Variants in PUM3 observed in about 807,000 individuals in gnomAD.
PUM3 encodes pumilio RNA binding family member 3.
A neutral mutation model predicts 84.0 loss-of-function variants in PUM3; 91 were observed. The ratio of observed to expected loss-of-function variants is 1.08; its 90% CI spans 0.91 to 1.29. PUM3 has a LOEUF of 1.29. PUM3 is among the 50% of genes most tolerant of loss of function. The pLI is 0.00. For missense variants in PUM3, 1,067 were observed against 767.5 expected (o/e 1.39, Z -4.61); for synonymous variants, 321 against 266.7 (o/e 1.20, Z -1.98).
intron 3 of PUM3, among the ~76,000 whole-genome samples, chr9:2,835,344 G>A (rs758403482): frequency 2.0e-5 from 3 of 152,194 alleles, no homozygotes; most frequent in Non-Finnish European, 4.4e-5. Context: ...CTTGAGTCCA[G>A]GAGGTTGAGG....
At chr9:2,830,066 A>AT in intron 7 of PUM3, 118 bp from the exon 8 acceptor site, 2 of 771,346 alleles carry the variant, frequency 2.6e-6, no homozygotes, top group Non-Finnish European at 4.2e-6. Context: ...TGAGGAGTAA[A>AT]TGAGCTAGCA....
At chr9:2,810,197 A>C in intron 16 of PUM3, 147 bp downstream of exon 16, 1 of 624,946 alleles carries the variant, frequency 1.6e-6, no homozygotes, top group African/African-American at 1.9e-5. Flanking sequence ...ACCAGCAACC[A>C]CTGAATCATT....
intron 11 of PUM3, 32 bp downstream of exon 11, chr9:2,824,685 C>T (rs1456706003): frequency 7.1e-7 from 1 of 1,400,308 alleles, no homozygotes; most frequent in South Asian, 1.4e-5. Flanking sequence ...CTGACTTGTA[C>T]AGTTTAAATG....
chr9:2,820,530 C>T (rs1821567447), intron 12 of PUM3, among the ~76,000 whole-genome samples: 1 of 152,038 alleles, frequency 6.6e-6, no homozygotes, highest in Non-Finnish European at 1.5e-5. Flanking sequence ...TACAATTTTA[C>T]ACACATACAC....
intron 1 of PUM3, among the ~76,000 whole-genome samples, chr9:2,841,681 T>C (rs1189170560): frequency 1.3e-5 from 2 of 150,646 alleles, no homozygotes; most frequent in South Asian, 2.1e-4. Flanking sequence ...TTCAAGTCAG[T>C]GTATTCTGCC....
chr9:2,840,499 T>G (rs1361397821), intron 1 of PUM3, among the ~76,000 whole-genome samples: 1 of 152,252 alleles, frequency 6.6e-6, no homozygotes, highest in Non-Finnish European at 1.5e-5. Flanking sequence ...TTACTGCATT[T>G]AAATGGTGAT....
At chr9:2,813,352 T>C (rs1168588063) in intron 13 of PUM3, among the ~76,000 whole-genome samples, 1 of 152,186 alleles carries the variant, frequency 6.6e-6, no homozygotes. Context: ...TTTCCCCACC[T>C]CTAACACTCC....
Position 2,804,828 on chromosome 9 carries a change from G to A in PUM3, c.1815-365C>T, listed in dbSNP as rs539554345. On this transcript the variant is annotated intron_variant, in intron 17 of 17. Transcript: ENST00000397885. ...TCTCAGGACTATAAGCTCAAGAGCAGGGACCGTATTTTATTTATTTCATGA... is the reference window on the plus strand; with the variant it reads ...TCTCAGGACTATAAGCTCAAGAGCAAGGACCGTATTTTATTTATTTCATGA... 2.0e-5 allele frequency among the ~76,000 whole-genome samples: 3 copies of A among 152,298 alleles called. No individual in the cohort carries two copies. In the East Asian group the frequency reaches 5.8e-4, roughly 29 times the overall value.
intron 1 of PUM3, among the ~76,000 whole-genome samples, chr9:2,842,670 C>T (rs535296679): frequency 1.3e-4 from 20 of 152,298 alleles, no homozygotes; most frequent in African/African-American, 3.8e-4. Context: ...GCTTTTTATG[C>T]TGAGTACTCC....
At position 2,831,064 on chromosome 9, in the gene PUM3, C is replaced by T. The variant is rs767827530; in HGVS notation, c.611-36G>A. The stretch of plus-strand genomic sequence containing the variant: ...AAAATACATTACAGTGACTTCAGAT[C>T]TCATTTCAGTTCTCTGGAAACAAAG... On this transcript the variant is annotated intron_variant, in intron 6 of 17. Transcript: ENST00000397885. 3.5e-6 allele frequency: 4 copies of T among 1,148,410 alleles called. No individual in the cohort carries two copies. The South Asian group carries it at 5.3e-5, about 15-fold the overall frequency. 71.1% of individuals were successfully genotyped at this position (1,148,410 alleles called of 1,614,324 possible).
At chr9:2,828,145 G>C (rs1049884280) in intron 9 of PUM3, among the ~76,000 whole-genome samples, 1 of 152,130 alleles carries the variant, frequency 6.6e-6, no homozygotes, top group Non-Finnish European at 1.5e-5. Flanking sequence ...GCTCCAGTGA[G>C]CCTCCTGCCT....
At chr9:2,825,356 C>G (rs1191369861) in intron 10 of PUM3, among the ~76,000 whole-genome samples, 2 of 152,184 alleles carry the variant, frequency 1.3e-5, no homozygotes, top group Non-Finnish European at 2.9e-5. Flanking sequence ...AATTTCTATA[C>G]TAACATTTAG....
chr9:2,840,363 G>A (rs527509935), intron 1 of PUM3, among the ~76,000 whole-genome samples: 4 of 152,106 alleles, frequency 2.6e-5, no homozygotes, highest in Non-Finnish European at 5.9e-5. Context: ...CCAGGCATAC[G>A]TTAAACTACC....
intron 11 of PUM3, among the ~76,000 whole-genome samples, 194 bp downstream of exon 11, chr9:2,824,523 A>T (rs1282208923): frequency 6.6e-6 from 1 of 152,240 alleles, no homozygotes; most frequent in Non-Finnish European, 1.5e-5. Context: ...ACTAAAGCAG[A>T]GGAAAGAAGA....
chr9:2,806,489 G>A (rs1821260518), intron 17 of PUM3, among the ~76,000 whole-genome samples: 1 of 152,326 alleles, frequency 6.6e-6, no homozygotes, highest in Non-Finnish European at 1.5e-5. Context: ...TGCATAGCAT[G>A]TTGCAAGTAA....
At position 2,833,438 on chromosome 9, in the gene PUM3, A is replaced by G. The variant is rs1425738649; in HGVS notation, c.441-6T>C. The G allele has an allele frequency of 6.6e-7, 1 of 1,504,686 alleles. No homozygotes were observed. Among genetic ancestry groups the G allele is most frequent in the Non-Finnish European group, 9.2e-7 (1 of 1,087,590 alleles). 93.2% of individuals were successfully genotyped at this position (1,504,686 alleles called of 1,614,324 possible). ...TTTCTTTGTCACAGTCTTTTCTACAAATGAGGAGAGGAAGGAAACACAGTT... is the reference window on the plus strand; with the variant it reads ...TTTCTTTGTCACAGTCTTTTCTACAGATGAGGAGAGGAAGGAAACACAGTT... On this transcript the variant is annotated splice_polypyrimidine_tract_variant and splice_region_variant and intron_variant, in intron 4 of 17. Transcript: ENST00000397885.
intron 12 of PUM3, among the ~76,000 whole-genome samples, chr9:2,822,855 T>C (rs147526068): frequency 1.3e-5 from 2 of 151,260 alleles, no homozygotes; most frequent in East Asian, 1.9e-4. Flanking sequence ...CACTTTATTA[T>C]AGGAACGTTA....
At chr9:2,834,235 G>C in intron 3 of PUM3, 69 bp from the exon 4 acceptor site, 1 of 1,376,618 alleles carries the variant, frequency 7.3e-7, no homozygotes, top group Non-Finnish European at 1.0e-6. Flanking sequence ...TACAAATTAG[G>C]TAAAAAGGGC....
intron 4 of PUM3, 65 bp downstream of exon 4, chr9:2,833,966 A>G (rs1816052660): frequency 6.6e-7 from 1 of 1,524,064 alleles, no homozygotes. Context: ...CTCACTATTT[A>G]CAAGGTACAC....
Sources: gnomAD v4.1 joint callset for allele counts (sites outside exome capture counted in the v4.1 genomes callset) on GRCh38, gnomAD v4.1.1 for gene constraint, MANE v1.5 for transcripts, NCBI Gene and HGNC (gene_info 2026-07-23, HGNC 2026-07-21) for gene names.